TMEM222: variants seen among roughly 807,000 people sequenced by gnomAD.
TMEM222 encodes the protein chromosome 1 open reading frame 160.
In TMEM222, 18 loss-of-function variants were observed where a neutral mutation model predicts 25.1. The observed-to-expected ratio is 0.72, with a 90% CI of 0.50 to 1.06. TMEM222 has a LOEUF of 1.06. TMEM222 is among the 50% of genes least tolerant of loss of function. The pLI, the probability that TMEM222 is intolerant of heterozygous loss-of-function variation, is 0.00. For missense variants in TMEM222, 296 were observed against 293.7 expected (o/e 1.01, Z -0.06); for synonymous variants, 131 against 117.9 (o/e 1.11, Z -0.72).
chr1:27,327,431 C>T (rs1000068306), intron 1 of TMEM222, among the ~76,000 whole-genome samples: 1 of 152,196 alleles, frequency 6.6e-6, no homozygotes, highest in African/African-American at 2.4e-5. Context: ...CTCTGTCACC[C>T]AGGCTGGAAT....
chr1:27,333,405 C>G (rs754761294), intron 3 of TMEM222: 3 of 471,156 alleles, frequency 6.4e-6, no homozygotes, highest in South Asian at 4.6e-5. Context: ...TTAGTCCGTT[C>G]TGGCTGCCAT....
At chr1:27,330,529 AT>A (rs1299700862) in intron 1 of TMEM222, among the ~76,000 whole-genome samples, 190 bp from the exon 2 acceptor site, 1 of 152,128 alleles carries the variant, frequency 6.6e-6, no homozygotes, top group Non-Finnish European at 1.5e-5. Context: ...ATGCTGAGGT[AT>A]CCCATTGTGC....
At chr1:27,331,032 C>T (rs891985072) in intron 2 of TMEM222, 2 of 1,438,856 alleles carry the variant, frequency 1.4e-6, no homozygotes, top group Non-Finnish European at 1.8e-6. Context: ...AAGTAACTGA[C>T]CCAGCCCTTT....
Position 27,322,398 on chromosome 1 carries a change from C to G in TMEM222, c.194+7C>G. On this transcript the variant is annotated splice_region_variant and intron_variant, in intron 1 of 5. Coordinates refer to ENST00000374076, the MANE Select transcript of TMEM222 (RefSeq NM_032125.3). Reference sequence around the variant, plus strand: ...CGCCCATCCCGGTGCTCACGTGAGTCTCTTCCGGCATCCGCCTGGGGACGA... The same window carrying G: ...CGCCCATCCCGGTGCTCACGTGAGTGTCTTCCGGCATCCGCCTGGGGACGA... 7.1e-7 allele frequency: 1 copy of G among 1,398,848 alleles called. No homozygotes were observed. The highest frequency in any genetic ancestry group is 9.4e-7 in the Non-Finnish European group (1 of 1,062,260). 86.7% of individuals were successfully genotyped at this position (1,398,848 alleles called of 1,614,324 possible).
At chr1:27,333,503 C>T (rs1254404404) in intron 3 of TMEM222, 1 of 458,352 alleles carries the variant, frequency 2.2e-6, no homozygotes, top group Non-Finnish European at 4.4e-6. Flanking sequence ...GGTGCGGGTG[C>T]TGGTAGAGTC....
chr1:27,334,204 G>C lies in TMEM222; in HGVS notation c.462G>C (p.Leu154=), dbSNP rs2014550556. The C allele has an allele frequency of 6.2e-7, 1 of 1,614,184 alleles. No individual in the cohort carries two copies. The highest frequency in any genetic ancestry group is 2.2e-5 in the East Asian group (1 of 44,882). ...CGCACGTGGCATTGGCCCTGAATCT[G>C]ATGCGCTACAACAACAGCACCAACT... The part of the protein sequence containing the change: ...CHSHVALALN[L]MRYNNSTNWN... Residue 154 remains leucine (L), a synonymous_variant, in exon 5 of 6, where the codon CTG becomes CTC. Coordinates refer to ENST00000374076, the MANE Select transcript of TMEM222 (RefSeq NM_032125.3).
rs201775578 is a variant in TMEM222, at chr1:27,330,786, G to T, written c.261G>T (p.Ala87=). 28 of 1,614,130 alleles carry T rather than the reference G, an allele frequency of 1.7e-5. No homozygotes were observed. Among genetic ancestry groups the T allele is most frequent in the Non-Finnish European group, 2.3e-5 (27 of 1,180,020 alleles). ...CCACAGGAGTCATTCGGGACTTCGC[G>T]GGCCCCTACTTTGTCTCAGTGAGTC... is the stretch of plus-strand genomic sequence containing the variant. The part of the protein sequence containing the change: ...CTSTGVIRDF[A]GPYFVSEDNM... The change falls in exon 2 of 6, where the codon GCG becomes GCT. Residue 87 remains alanine, a synonymous_variant. Transcript: ENST00000374076.
At chr1:27,322,828 C>T (rs962997437) in intron 1 of TMEM222, among the ~76,000 whole-genome samples, 1 of 152,180 alleles carries the variant, frequency 6.6e-6, no homozygotes, top group Non-Finnish European at 1.5e-5. Context: ...ACACGAGATC[C>T]TGGGATGTCA....
At chr1:27,329,115 T>C (rs916333000) in intron 1 of TMEM222, among the ~76,000 whole-genome samples, 1 of 152,172 alleles carries the variant, frequency 6.6e-6, no homozygotes, top group African/African-American at 2.4e-5. Flanking sequence ...TCTGTTCCAA[T>C]TTCTACCCTT....
At chr1:27,332,651 T>G in intron 3 of TMEM222, 1 of 645,680 alleles carries the variant, frequency 1.5e-6, no homozygotes, top group Non-Finnish European at 2.8e-6. Flanking sequence ...TGAGAGTGCC[T>G]CAGTCATCAG....
chr1:27,322,510 G>A, intron 1 of TMEM222, 119 bp downstream of exon 1: 3 of 977,966 alleles, frequency 3.1e-6, no homozygotes, highest in Non-Finnish European at 4.1e-6. Context: ...TGGCCCGCAC[G>A]CCTCGCCCAG....
chr1:27,333,382 C>T, intron 3 of TMEM222: 1 of 471,196 alleles, frequency 2.1e-6, no homozygotes, highest in South Asian at 1.5e-5. Context: ...AGGAAGCCTT[C>T]TCACACCCCA....
rs141187845 is a variant in TMEM222 at position 27,326,091 on chromosome 1, T to C, written c.194+3700T>C. Among the ~76,000 whole-genome samples, 23 of 152,336 alleles carry C rather than the reference T, an allele frequency of 1.5e-4. No homozygotes were observed. In the East Asian group the frequency reaches 4.0e-3, roughly 27 times the overall value. On this transcript the variant is annotated intron_variant, in intron 1 of 5. Transcript: ENST00000374076. ...TGGTCACTGCGTGGCAAGGTAAGAA[T>C]GTGCTTGTGGAAGACAAGTGCGACT... is the stretch of plus-strand genomic sequence containing the variant.
intron 3 of TMEM222, chr1:27,333,057 C>T: frequency 3.0e-6 from 1 of 337,922 alleles, no homozygotes; most frequent in Non-Finnish European, 5.9e-6. Context: ...GGTTTATGGG[C>T]TTTAGCACCA....
chr1:27,328,927 C>G (rs1036529418), intron 1 of TMEM222, among the ~76,000 whole-genome samples: 2 of 152,198 alleles, frequency 1.3e-5, no homozygotes, highest in African/African-American at 4.8e-5. Flanking sequence ...TGTGAGTTCT[C>G]CTTAAACTGG....
rs1158262177 is a variant in TMEM222 at position 27,333,336 on chromosome 1, C to T, written c.312-622C>T. The T allele has an allele frequency of 6.4e-6, 3 of 471,214 alleles. No homozygotes were observed. The Admixed American group carries it at 7.0e-5, about 11-fold the overall frequency. The allele number at this position is 471,214 out of a possible 1,614,324, so 29.2% of individuals were successfully genotyped here. On this transcript the variant is annotated intron_variant, in intron 3 of 5. Coordinates refer to ENST00000374076, the MANE Select transcript of TMEM222 (RefSeq NM_032125.3). The stretch of plus-strand genomic sequence containing the variant: ...ACCTCTTCTTTCTATGCCTGCCTAA[C>T]CCTCTTCCTTCATACTGGACCCAGG...
At chr1:27,335,069 G>A in intron 5 of TMEM222, 1 of 445,140 alleles carries the variant, frequency 2.2e-6, no homozygotes, top group Non-Finnish European at 4.1e-6. Flanking sequence ...GACCCTAGAG[G>A]TAGGTGGCTA....
chr1:27,322,283 C>G lies in TMEM222; in HGVS notation c.86C>G (p.Ala29Gly), dbSNP rs1034847273. Residue 29 changes from alanine to glycine, a missense_variant, in exon 1 of 6, where the codon GCG becomes GGG. Physicochemically the swap from Ala to Gly is moderately conservative, Grantham distance 60 (BLOSUM62 0). Coordinates refer to ENST00000374076, the MANE Select transcript of TMEM222 (RefSeq NM_032125.3). ...ATGGCGGAAGTGGAGGCGCCGACGGCGGCCGAGACGGACATGAAGCAATAT... is the reference window on the plus strand; with the variant it reads ...ATGGCGGAAGTGGAGGCGCCGACGGGGGCCGAGACGGACATGAAGCAATAT... ...PRMAEVEAPT[A>G]AETDMKQYQG... 4 of 1,549,524 alleles carry G rather than the reference C, an allele frequency of 2.6e-6. No homozygotes were observed. The African/African-American group carries it at 5.5e-5, about 21-fold the overall frequency.
At chr1:27,335,354 A>G (rs546878771) in intron 5 of TMEM222, 25 bp from the exon 6 acceptor site, 5 of 1,612,600 alleles carry the variant, frequency 3.1e-6, no homozygotes, top group Middle Eastern at 1.7e-4. Flanking sequence ...CTGCCCACCT[A>G]TGCTCGCTCC....
Sources: gnomAD v4.1 joint callset for allele counts (sites outside exome capture counted in the v4.1 genomes callset) on GRCh38, gnomAD v4.1.1 for gene constraint, MANE v1.5 for transcripts, NCBI Gene and HGNC (gene_info 2026-07-23, HGNC 2026-07-21) for gene names.